The following MAP2 variants were observed in gnomAD, a reference collection of about 807,000 sequenced individuals.
The protein encoded by MAP2 is microtubule-associated protein 2.
In MAP2, 14 loss-of-function variants were observed where a neutral mutation model predicts 137.6. The observed-to-expected ratio is 0.10, with a 90% CI of 0.07 to 0.16. The LOEUF (loss-of-function observed/expected upper bound fraction) is 0.16, where lower values mean the gene tolerates loss of function less well. MAP2 is among the 10% of genes least tolerant of loss of function. The probability of loss-of-function intolerance (pLI) is 1.00; values close to 1 mark genes in which losing one functional copy is unlikely to be tolerated. For missense variants in MAP2, 2,088 were observed against 2,191.5 expected, an observed-to-expected ratio of 0.95 and a Z score of 0.94; for synonymous variants, 786 against 782.3, an observed-to-expected ratio of 1.00 and a Z score of -0.08.
At chr2:209,670,097 C>G (rs750123174) in intron 5 of MAP2, among the ~76,000 whole-genome samples, 1 of 151,950 alleles carries the variant, frequency 6.6e-6, no homozygotes, top group Non-Finnish European at 1.5e-5. Context: ...TCAATTCCCT[C>G]AGTGCCTTAA....
At chr2:209,697,161 C>A in intron 10 of MAP2, 110 bp downstream of exon 10, 2 of 1,125,272 alleles carry the variant, frequency 1.8e-6, no homozygotes, top group Non-Finnish European at 2.5e-6. Context: ...AGAATCTCAG[C>A]AGTCATGAAC....
intron 2 of MAP2, among the ~76,000 whole-genome samples, chr2:209,542,384 G>C (rs1053658326): frequency 6.6e-6 from 1 of 152,090 alleles, no homozygotes; most frequent in African/African-American, 2.4e-5. Flanking sequence ...TCATTCTTAC[G>C]GGCCCTAGGA....
At chr2:209,710,390 G>A in intron 13 of MAP2, 136 bp downstream of exon 13, 1 of 746,890 alleles carries the variant, frequency 1.3e-6, no homozygotes, top group Non-Finnish European at 2.1e-6. Flanking sequence ...TAAGAGTTTG[G>A]ACTTTACATT....
chr2:209,511,559 A>T (rs1261525913), intron 2 of MAP2, among the ~76,000 whole-genome samples: 5 of 152,058 alleles, frequency 3.3e-5, no homozygotes, highest in African/African-American at 9.7e-5. Context: ...TAGAATTCTT[A>T]AACAGATGAT....
At chr2:209,561,636 T>A (rs1215756524) in intron 2 of MAP2, among the ~76,000 whole-genome samples, 2 of 152,250 alleles carry the variant, frequency 1.3e-5, no homozygotes, top group East Asian at 3.8e-4. Context: ...GCTCTTATTT[T>A]TATTACTTAT....
chr2:209,481,752 G>A (rs1215432406), intron 1 of MAP2, among the ~76,000 whole-genome samples: 2 of 152,158 alleles, frequency 1.3e-5, no homozygotes, highest in Non-Finnish European at 2.9e-5. Flanking sequence ...TCTGAATAAA[G>A]GGAATTATGA....
At chr2:209,567,867 CTGA>C (rs2073766567) in intron 2 of MAP2, among the ~76,000 whole-genome samples, 1 of 151,996 alleles carries the variant, frequency 6.6e-6, no homozygotes, top group Non-Finnish European at 1.5e-5. Flanking sequence ...GCTGAGAAAT[CTGA>C]TGATAGAATG....
At chr2:209,618,612 G>A (rs541922507) in intron 3 of MAP2, among the ~76,000 whole-genome samples, 131 of 152,184 alleles carry the variant, frequency 8.6e-4, no homozygotes, top group African/African-American at 2.4e-3. Context: ...TTGAATGGCT[G>A]TTATCAAAAA....
At chr2:209,525,856 T>C (rs1444404442) in intron 2 of MAP2, among the ~76,000 whole-genome samples, 10 of 152,286 alleles carry the variant, frequency 6.6e-5, no homozygotes, top group Non-Finnish European at 4.4e-5. Flanking sequence ...TAAGAAAGTC[T>C]GGGGAAAAAA....
chr2:209,554,957 T>TCA (rs1020457589), intron 2 of MAP2, among the ~76,000 whole-genome samples: 1 of 146,542 alleles, frequency 6.8e-6, no homozygotes, highest in Non-Finnish European at 1.5e-5. Flanking sequence ...TATATTATTT[T>TCA]TATATATATA....
At chr2:209,585,125 G>A (rs1318912975) in intron 3 of MAP2, among the ~76,000 whole-genome samples, 1 of 151,940 alleles carries the variant, frequency 6.6e-6, no homozygotes, top group African/African-American at 2.4e-5. Context: ...GCTGAGAAGG[G>A]AAGTTTAGGG....
intron 2 of MAP2, among the ~76,000 whole-genome samples, chr2:209,509,329 G>T (rs1334231118): frequency 6.6e-6 from 1 of 151,884 alleles, no homozygotes; most frequent in Non-Finnish European, 1.5e-5. Context: ...GTGGGAATAC[G>T]AAAATCGAGT....
chr2:209,573,521 T>C (rs999344181), intron 2 of MAP2, among the ~76,000 whole-genome samples: 1 of 152,104 alleles, frequency 6.6e-6, no homozygotes, highest in Non-Finnish European at 1.5e-5. Context: ...TTCGAACTCC[T>C]GACCTCAGGT....
chr2:209,612,113 C>T (rs1027236505), intron 3 of MAP2, among the ~76,000 whole-genome samples: 3 of 152,128 alleles, frequency 2.0e-5, no homozygotes, highest in African/African-American at 4.8e-5. Flanking sequence ...ACATGAATTG[C>T]GTTTCATTTC....
chr2:209,707,611 A>C (rs2063865794), intron 12 of MAP2, among the ~76,000 whole-genome samples: 1 of 152,216 alleles, frequency 6.6e-6, no homozygotes, highest in Non-Finnish European at 1.5e-5. Flanking sequence ...TAACTTGTAA[A>C]GAAATATCTT....
intron 11 of MAP2, 60 bp downstream of exon 11, chr2:209,700,398 C>T: frequency 7.8e-7 from 1 of 1,282,260 alleles, no homozygotes; most frequent in Non-Finnish European, 1.1e-6. Flanking sequence ...TTAGCTGTAA[C>T]ATCAGAATAA....
intron 2 of MAP2, among the ~76,000 whole-genome samples, chr2:209,525,142 A>G (rs2063835894): frequency 6.6e-6 from 1 of 152,162 alleles, no homozygotes; most frequent in African/African-American, 2.4e-5. Context: ...TGTATCTACC[A>G]TCTCTGTAGA....
chr2:209,553,928 C>A (rs887792821), intron 2 of MAP2, among the ~76,000 whole-genome samples: 1 of 152,116 alleles, frequency 6.6e-6, no homozygotes, highest in Admixed American at 6.5e-5. Context: ...ACTCCTGTGG[C>A]CAGTTTCAAG....
chr2:209,517,011 C>G (rs1424538611), intron 2 of MAP2, among the ~76,000 whole-genome samples: 1 of 152,038 alleles, frequency 6.6e-6, no homozygotes, highest in Non-Finnish European at 1.5e-5. Flanking sequence ...ATTACATAAT[C>G]TTCCATGTTA....
Sources: gnomAD v4.1 joint callset for allele counts (sites outside exome capture counted in the v4.1 genomes callset) on GRCh38, gnomAD v4.1.1 for gene constraint, MANE v1.5 for transcripts, NCBI Gene and HGNC (gene_info 2026-07-23, HGNC 2026-07-21) for gene names.